The following CFAP70 variants were observed in gnomAD, a reference collection of about 807,000 sequenced individuals.
CFAP70 encodes the protein cilia and flagella associated protein 70.
A neutral mutation model predicts 137.6 loss-of-function variants in CFAP70; 81 were observed. That is an observed-to-expected ratio of 0.59 (90% CI 0.49 to 0.71). The LOEUF is 0.71. CFAP70 is among the 30% of genes least tolerant of loss of function. The pLI, the probability that CFAP70 is intolerant of heterozygous loss-of-function variation, is 0.00. For missense variants in CFAP70, 976 were observed against 1,226.7 expected (o/e 0.80, Z 3.05); for synonymous variants, 382 against 423.6 (o/e 0.90, Z 1.20).
intron 19 of CFAP70, among the ~76,000 whole-genome samples, chr10:73,278,795 C>A (rs1352527408): frequency 6.6e-6 from 1 of 151,146 alleles, no homozygotes; most frequent in African/African-American, 2.4e-5. Context: ...TCCTGGCTAA[C>A]GCAGTGAAAC....
chr10:73,301,933 G>A (rs2048984801), intron 12 of CFAP70, among the ~76,000 whole-genome samples: 2 of 152,094 alleles, frequency 1.3e-5, no homozygotes, highest in Non-Finnish European at 2.9e-5. Flanking sequence ...AAAAGGTGAT[G>A]GTGGTAGAGA....
At chr10:73,338,495 A>C in intron 6 of CFAP70, among the ~76,000 whole-genome samples, 1 of 143,376 alleles carries the variant, frequency 7.0e-6, no homozygotes, top group Non-Finnish European at 1.5e-5. Context: ...CAGTGGCATG[A>C]TCTCAGCTCA....
At position 73,341,559 on chromosome 10, in the gene CFAP70, T is replaced by G. The variant is rs1164541666; in HGVS notation, c.422A>C (p.Lys141Thr). ...CCCTCCAAGCTTCAGAGTTCCATTC[T>G]TAAATAAAATGGGATAGTCCTTCTA... is the stretch of plus-strand genomic sequence containing the variant. Residue 141 changes from lysine (K) to threonine (T), a missense_variant, in exon 6 of 27, where the codon AAG becomes ACG. By Grantham distance (78) the Lys-to-Thr change is moderately conservative. Transcript: ENST00000310715. 5 of 1,613,680 alleles carry G rather than the reference T, an allele frequency of 3.1e-6. No individual in the cohort carries two copies. Among genetic ancestry groups the G allele is most frequent in the Admixed American group, 1.7e-5 (1 of 59,814 alleles).
intron 12 of CFAP70, among the ~76,000 whole-genome samples, chr10:73,307,756 T>C (rs745718709): frequency 3.3e-5 from 5 of 152,052 alleles, no homozygotes; most frequent in African/African-American, 9.7e-5. Flanking sequence ...ACTGATAGAA[T>C]TGAAGGGAGA....
chr10:73,261,076 C>T (rs558428295), intron 25 of CFAP70, among the ~76,000 whole-genome samples: 2 of 151,806 alleles, frequency 1.3e-5, no homozygotes, highest in East Asian at 1.9e-4. Context: ...CAGTAATGTA[C>T]GAGGATTCCA....
chr10:73,318,483 C>A (rs1004359277), intron 9 of CFAP70, among the ~76,000 whole-genome samples: 3 of 152,120 alleles, frequency 2.0e-5, no homozygotes, highest in African/African-American at 7.2e-5. Context: ...CAATATTCCC[C>A]TATCATATGT....
intron 6 of CFAP70, among the ~76,000 whole-genome samples, chr10:73,336,721 G>A (rs1466751277): frequency 2.6e-5 from 4 of 151,730 alleles, no homozygotes; most frequent in East Asian, 3.9e-4. Flanking sequence ...GAGTAGCTGG[G>A]ACTACAGGCG....
intron 3 of CFAP70, among the ~76,000 whole-genome samples, chr10:73,349,845 T>C (rs1367606844): frequency 6.6e-6 from 1 of 152,250 alleles, no homozygotes; most frequent in Non-Finnish European, 1.5e-5. Flanking sequence ...ATTTGCTTTG[T>C]TTGCTGAAGT....
At chr10:73,262,053 T>TTATATATG (rs1330002279) in intron 25 of CFAP70, among the ~76,000 whole-genome samples, 161 of 137,528 alleles carry the variant, frequency 1.2e-3, no homozygotes, top group African/African-American at 4.2e-3. Flanking sequence ...ATATTATATA[T>TTATATATG]TATATATGTA....
chr10:73,331,121 A>T (rs1445152346), intron 8 of CFAP70, 56 bp downstream of exon 9: 1 of 1,226,590 alleles, frequency 8.2e-7, no homozygotes, highest in South Asian at 1.3e-5. Flanking sequence ...GCAGAATAAC[A>T]GGTCGGGTCT....
chr10:73,351,967 G>A (rs2054313981), intron 3 of CFAP70, among the ~76,000 whole-genome samples: 1 of 152,220 alleles, frequency 6.6e-6, no homozygotes, highest in African/African-American at 2.4e-5. Context: ...GACACCTGAT[G>A]GAGGCAGCTC....
chr10:73,334,371 C>T (rs959750202), intron 7 of CFAP70, among the ~76,000 whole-genome samples: 1 of 152,132 alleles, frequency 6.6e-6, no homozygotes, highest in Non-Finnish European at 1.5e-5. Context: ...TTAAGACAGG[C>T]AGCATGTGTC....
chr10:73,352,871 C>CT (rs2054383349), intron 3 of CFAP70, among the ~76,000 whole-genome samples: 1 of 152,064 alleles, frequency 6.6e-6, no homozygotes, highest in African/African-American at 2.4e-5. Flanking sequence ...TTTATTATGA[C>CT]TTTTTTATTT....
chr10:73,287,261 G>A (rs529788785), intron 19 of CFAP70, among the ~76,000 whole-genome samples: 1 of 152,340 alleles, frequency 6.6e-6, no homozygotes, highest in East Asian at 1.9e-4. Flanking sequence ...CACTACAAAT[G>A]TGTACAGGCT....
upstream of CFAP70, among the ~76,000 whole-genome samples, chr10:73,362,062 A>C (rs1440459615): frequency 6.6e-6 from 1 of 152,224 alleles, no homozygotes; most frequent in East Asian, 1.9e-4. Flanking sequence ...AAAATAATCA[A>C]TTGAATTGAG....
chr10:73,351,533 A>C (rs1389087806), intron 3 of CFAP70, among the ~76,000 whole-genome samples: 1 of 151,874 alleles, frequency 6.6e-6, no homozygotes. Context: ...TCTCAGGTTA[A>C]GTGATTCTCC....
chr10:73,348,273 G>T, intron 4 of CFAP70, 38 bp from the exon 5 acceptor site: 1 of 1,606,392 alleles, frequency 6.2e-7, no homozygotes. Flanking sequence ...AAGAAGAAAG[G>T]GTTAAGTTGG....
chr10:73,303,760 A>G (rs1194701983), intron 12 of CFAP70, among the ~76,000 whole-genome samples: 5 of 152,196 alleles, frequency 3.3e-5, no homozygotes, highest in Non-Finnish European at 5.9e-5. Context: ...TATTTGTTGT[A>G]AAACTGTCAT....
chr10:73,351,521 C>T (rs2054268612), intron 3 of CFAP70, among the ~76,000 whole-genome samples: 1 of 151,832 alleles, frequency 6.6e-6, no homozygotes, highest in African/African-American at 2.4e-5. Context: ...GTAACCTCCA[C>T]CTCTCAGGTT....
Sources: allele counts gnomAD v4.1 joint callset (sites outside exome capture counted in the v4.1 genomes callset), GRCh38; gene constraint gnomAD v4.1.1; transcripts MANE v1.5; gene names NCBI Gene and HGNC (gene_info 2026-07-23, HGNC 2026-07-21).